AR: variants seen among roughly 807,000 people sequenced by gnomAD.
The protein encoded by AR is androgen receptor, also known as dihydrotestosterone receptor.
In AR, 8 loss-of-function variants were observed where a neutral mutation model predicts 53.9. That is an observed-to-expected ratio of 0.15 (90% CI 0.09 to 0.27). The LOEUF (loss-of-function observed/expected upper bound fraction) is 0.27. Among genes scored for constraint, AR ranks in the 10% least tolerant of loss-of-function variants. The pLI, the probability that AR is intolerant of heterozygous loss-of-function variation, is 1.00. For missense variants in AR, 639 were observed against 742.5 expected, an observed-to-expected ratio of 0.86 and a Z score of 1.62; for synonymous variants, 359 against 316.4, an observed-to-expected ratio of 1.13 and a Z score of -1.43.
chrX:67,561,453 T>C (rs1921299346), intron 1 of AR, among the ~76,000 whole-genome samples: 1 of 112,342 alleles, frequency 8.9e-6, no homozygotes, highest in African/African-American at 3.2e-5. Flanking sequence ...AATAAAATTA[T>C]GTAAAACAAC....
chrX:67,600,925 G>A (rs1923324351), intron 1 of AR, among the ~76,000 whole-genome samples: 1 of 111,479 alleles, frequency 9.0e-6, no homozygotes, highest in Admixed American at 9.5e-5. Context: ...GTAATTTGGA[G>A]GAAAACTGTC....
At chrX:67,570,743 C>T (rs1921780183) in intron 1 of AR, among the ~76,000 whole-genome samples, 1 of 110,064 alleles carries the variant, frequency 9.1e-6, no homozygotes, top group African/African-American at 3.3e-5. Context: ...TGTGATAATT[C>T]TTATTTGTGA....
intron 1 of AR, among the ~76,000 whole-genome samples, chrX:67,561,683 G>A (rs973161101): frequency 2.7e-5 from 3 of 111,200 alleles, no homozygotes; most frequent in African/African-American, 9.8e-5. Context: ...TAAAGGAGTT[G>A]ATTGTCTTGC....
At chrX:67,719,172 A>C (rs1346055551) in intron 5 of AR, among the ~76,000 whole-genome samples, 1 of 111,713 alleles carries the variant, frequency 9.0e-6, no homozygotes, top group Non-Finnish European at 1.9e-5. Context: ...GGTAGCCAAA[A>C]GCTAAGAATA....
intron 1 of AR, among the ~76,000 whole-genome samples, chrX:67,617,583 CTTCCCTTGAAGG>C (rs1430521069): frequency 8.9e-6 from 1 of 111,798 alleles, no homozygotes; most frequent in Non-Finnish European, 1.9e-5. Context: ...GACATAGAAG[CTTCCCTTGAAGG>C]TTCCCTTGAC....
chrX:67,669,211 G>C (rs1433595154), intron 2 of AR, among the ~76,000 whole-genome samples: 1 of 111,065 alleles, frequency 9.0e-6, no homozygotes, highest in East Asian at 2.8e-4. Context: ...TGCTTTTGCT[G>C]TATCCCATAG....
At chrX:67,703,306 C>G (rs1283206736) in intron 3 of AR, among the ~76,000 whole-genome samples, 1 of 111,619 alleles carries the variant, frequency 9.0e-6, no homozygotes, top group Non-Finnish European at 1.9e-5. Flanking sequence ...GAATTATGAC[C>G]TTTTCAATTA....
At chrX:67,682,538 A>T (rs772532299) in intron 2 of AR, among the ~76,000 whole-genome samples, 2 of 109,634 alleles carry the variant, frequency 1.8e-5, no homozygotes, top group Non-Finnish European at 3.8e-5. Flanking sequence ...CAATCTTTCC[A>T]CCTTGGCCTT....
chrX:67,568,896 C>T (rs1433591039), intron 1 of AR: 12 of 1,202,941 alleles, frequency 1.0e-5, no homozygotes, highest in Non-Finnish European at 1.3e-5. Context: ...CTTGCCTATG[C>T]AAATGCCTGC....
Position 67,729,897 on chromosome X carries a change from C to T in AR, c.*6056C>T. 1 of 173,980 alleles carries T rather than the reference C, an allele frequency of 5.7e-6. No individual in the cohort carries two copies. Among genetic ancestry groups the T allele is most frequent in the African/African-American group, 2.9e-5 (1 of 34,145 alleles). The allele number at this position is 173,980 out of a possible 1,213,427, so 14.3% of individuals were successfully genotyped here. A position where few individuals can be genotyped will look rare whatever the true frequency, so the allele number is the denominator to read the frequency against. On this transcript the variant is annotated 3_prime_UTR_variant, in exon 8 of 8. Coordinates refer to ENST00000374690, the MANE Select transcript of AR (RefSeq NM_000044.6). ...ACCTTAGCCCTTGGTGCTAACTGTC[C>T]TACAGTGAAGTGCCTGGGGGGTTGT...
chrX:67,643,001 A>G lies in AR; in HGVS notation c.1617-255A>G, dbSNP rs2361634. On this transcript the variant is annotated intron_variant, in intron 1 of 7. Transcript: ENST00000374690. ...CTTCCTGCCTTCATTGCTCCCGCAT[A>G]TAGACATAGACTATGAGATTGGCTA... 0.043 allele frequency among the ~76,000 whole-genome samples: 4,772 copies of G among 111,642 alleles called. 125 individuals are homozygous for G. The highest frequency in any genetic ancestry group is 0.071 in the Non-Finnish European group (3,768 of 53,074).
chrX:67,723,702 A>G lies in AR; in HGVS notation c.2624A>G (p.His875Arg), dbSNP rs2147540166. Residue 875 changes from histidine to arginine, a missense_variant, in exon 8 of 8, where the codon CAT (histidine) becomes CGT (arginine). His to Arg is a conservative substitution (Grantham distance 29). Transcript: ENST00000374690. ...DSVQPIAREL[H>R]QFTFDLLIKS... ...TCCCTACAGATTGCGAGAGAGCTGC[A>G]TCAGTTCACTTTTGACCTGCTAATC... The G allele has an allele frequency of 8.3e-7, 1 of 1,210,944 alleles. No homozygotes were observed. The highest frequency in any genetic ancestry group is 3.0e-5 in the East Asian group (1 of 33,700).
At chrX:67,669,853 G>C (rs1156494260) in intron 2 of AR, among the ~76,000 whole-genome samples, 2 of 109,221 alleles carry the variant, frequency 1.8e-5, no homozygotes, top group South Asian at 7.8e-4. Flanking sequence ...TCGGATATTA[G>C]TATTGCTGCT....
intron 2 of AR, among the ~76,000 whole-genome samples, chrX:67,645,087 T>G (rs1925990492): frequency 9.0e-6 from 1 of 111,358 alleles, no homozygotes; most frequent in African/African-American, 3.3e-5. Flanking sequence ...AGCACTCATC[T>G]AGAGGTAGTG....
At position 67,703,174 on chromosome X, in the gene AR, C is replaced by A. The variant is rs771236862; in HGVS notation, c.1886-8228C>A. On this transcript the variant is annotated intron_variant, in intron 3 of 7. Coordinates refer to ENST00000374690, the MANE Select transcript of AR (RefSeq NM_000044.6). The stretch of plus-strand genomic sequence containing the variant: ...GAGAGCAGGTTTTGTTGTATTTATC[C>A]ATTTAAATTGAGCAATAAAATTCTC... Among the ~76,000 whole-genome samples the A allele has an allele frequency of 1.2e-4, 13 of 111,982 alleles. No homozygotes were observed. The South Asian group carries it at 4.8e-3, about 42-fold the overall frequency.
intron 2 of AR, among the ~76,000 whole-genome samples, chrX:67,659,778 C>T: frequency 9.0e-6 from 1 of 111,560 alleles, no homozygotes; most frequent in African/African-American, 3.3e-5. Context: ...TTCTAGATCC[C>T]TGAGGAATCG....
In AR at chrX:67,717,494, C is replaced by T. The variant is rs779208992; in HGVS notation, c.2190C>T (p.His730=). ...AKALPGFRNL[H]VDDQMAVIQY... is the part of the protein sequence containing the mutation. The stretch of plus-strand genomic sequence containing the variant: ...CTTCTCCAGGCTTCCGCAACTTACA[C>T]GTGGACGACCAGATGGCTGTCATTC... The change falls in exon 5 of 8, where the codon CAC becomes CAT. Residue 730 remains histidine (H), a synonymous_variant. Transcript: ENST00000374690. The T allele has an allele frequency of 5.8e-6, 7 of 1,210,388 alleles. No homozygotes were observed. The East Asian group carries it at 1.2e-4, about 20-fold the overall frequency.
intron 1 of AR, among the ~76,000 whole-genome samples, chrX:67,591,601 C>T (rs757337581): frequency 9.0e-6 from 1 of 111,546 alleles, no homozygotes; most frequent in African/African-American, 3.3e-5. Context: ...CAACAGGGCT[C>T]TCCAAGGAGG....
intron 2 of AR, among the ~76,000 whole-genome samples, chrX:67,649,337 G>T (rs928518936): frequency 6.3e-5 from 7 of 111,932 alleles, no homozygotes; most frequent in African/African-American, 2.3e-4. Flanking sequence ...ATAAACATAC[G>T]TATGCATGCG....
Sources: allele counts gnomAD v4.1 joint callset (sites outside exome capture counted in the v4.1 genomes callset), GRCh38; gene constraint gnomAD v4.1.1; transcripts MANE v1.5; gene names NCBI Gene and HGNC (gene_info 2026-07-23, HGNC 2026-07-21).